Variants in SRP72 observed in about 807,000 individuals in gnomAD.
SRP72 encodes signal recognition particle 72.
A neutral mutation model predicts 96.3 loss-of-function variants in SRP72; 49 were observed. That is an observed-to-expected ratio of 0.51 (90% CI 0.40 to 0.65). The LOEUF (loss-of-function observed/expected upper bound fraction) is 0.65, where lower values mean the gene tolerates loss of function less well. Ranked by LOEUF, SRP72 falls within the 30% of genes least tolerant of loss-of-function variation. SRP72 has a pLI of 0.00. For synonymous variants in SRP72, 267 were observed against 275.2 expected (o/e 0.97, Z 0.30); for missense variants, 736 against 793.3 (o/e 0.93, Z 0.87).
At chr4:56,470,897 G>A (rs1470963134) in intron 2 of SRP72, among the ~76,000 whole-genome samples, 3 of 151,300 alleles carry the variant, frequency 2.0e-5, no homozygotes, top group Admixed American at 6.6e-5. Context: ...CACCTTCCGG[G>A]TTCACGCGAT....
chr4:56,484,818 A>AG lies in SRP72; in HGVS notation c.1041dup (p.Leu348AlafsTer4). 6.2e-7 allele frequency: 1 copy of AG among 1,614,094 alleles called. No individual in the cohort carries two copies. Among genetic ancestry groups the AG allele is most frequent in the South Asian group, 1.1e-5 (1 of 91,060 alleles). On this transcript the variant is annotated frameshift_variant, in exon 10 of 19. Coordinates refer to ENST00000642900, the MANE Select transcript of SRP72 (RefSeq NM_006947.4). LOFTEE classifies it high-confidence loss of function. Reference sequence around the variant, plus strand: ...TTACCTGTGTTAATCCAAGCTGCCCAGCTCTGCCGTGAAAAGCAGCACACA... The same window carrying AG: ...TTACCTGTGTTAATCCAAGCTGCCCAGGCTCTGCCGTGAAAAGCAGCACACA...
chr4:56,492,523 T>C (rs1720944944), intron 16 of SRP72, among the ~76,000 whole-genome samples: 1 of 152,148 alleles, frequency 6.6e-6, no homozygotes, highest in African/African-American at 2.4e-5. Flanking sequence ...CTTTTATAAG[T>C]TTTTGCTACT....
chr4:56,471,275 A>G (rs1302389684), intron 2 of SRP72, among the ~76,000 whole-genome samples: 1 of 152,218 alleles, frequency 6.6e-6, no homozygotes, highest in East Asian at 1.9e-4. Flanking sequence ...GATTACAGGT[A>G]CTTCTTTTAA....
At chr4:56,469,871 T>TA in intron 2 of SRP72, 98 bp downstream of exon 2, 2 of 1,227,828 alleles carry the variant, frequency 1.6e-6, no homozygotes, top group Non-Finnish European at 2.2e-6. Context: ...TGATTTTTTT[T>TA]AACGTTTTTT....
At chr4:56,473,457 CAAA>C (rs536634526) in intron 3 of SRP72, among the ~76,000 whole-genome samples, 1 of 129,550 alleles carries the variant, frequency 7.7e-6, no homozygotes, top group African/African-American at 2.9e-5. Flanking sequence ...GACTCCATCT[CAAA>C]AAAAAAAAAA....
chr4:56,470,790 A>T (rs1719942545), intron 2 of SRP72, among the ~76,000 whole-genome samples: 1 of 148,492 alleles, frequency 6.7e-6, no homozygotes, highest in Admixed American at 6.7e-5. Context: ...GAAAAGAGAC[A>T]TTTTCAAAAA....
chr4:56,494,673 G>A (rs1326763331), intron 16 of SRP72, among the ~76,000 whole-genome samples: 2 of 151,984 alleles, frequency 1.3e-5, no homozygotes, highest in African/African-American at 4.8e-5. Flanking sequence ...CATCGTGCTG[G>A]GATTACAGAC....
chr4:56,484,883 T>TGAG lies in SRP72; in HGVS notation c.1086+21_1086+23dup. The TGAG allele has an allele frequency of 1.2e-6, 2 of 1,605,662 alleles. No homozygotes were observed. Among genetic ancestry groups the TGAG allele is most frequent in the Non-Finnish European group, 1.7e-6 (2 of 1,178,232 alleles). ...GCTTCAGGTAAAATAATTACTTGAATGAGGTGTCAGACATTTGCAGCTTTG... is the reference window on the plus strand; with the variant it reads ...GCTTCAGGTAAAATAATTACTTGAATGAGGAGGTGTCAGACATTTGCAGCTTTG... On this transcript the variant is annotated intron_variant, in intron 10 of 18. Coordinates refer to ENST00000642900, the MANE Select transcript of SRP72 (RefSeq NM_006947.4).
At chr4:56,497,947 C>G (rs1404611490) in intron 17 of SRP72, among the ~76,000 whole-genome samples, 2 of 152,142 alleles carry the variant, frequency 1.3e-5, no homozygotes, top group Non-Finnish European at 2.9e-5. Flanking sequence ...GAATGACTTT[C>G]CTTTCTCCTA....
intron 10 of SRP72, chr4:56,486,104 AC>A: frequency 2.3e-6 from 1 of 435,108 alleles, no homozygotes; most frequent in Non-Finnish European, 4.2e-6. Flanking sequence ...TTAGTGACTT[AC>A]AGAAAACTTG....
chr4:56,499,866 TA>T (rs917446513), intron 17 of SRP72, among the ~76,000 whole-genome samples: 24 of 115,862 alleles, frequency 2.1e-4, no homozygotes, highest in Middle Eastern at 4.3e-3. Flanking sequence ...CATTACTGGA[TA>T]TATACCCAAA....
chr4:56,470,440 T>A (rs1024197777), intron 2 of SRP72, among the ~76,000 whole-genome samples: 1 of 151,696 alleles, frequency 6.6e-6, no homozygotes, highest in African/African-American at 2.4e-5. Flanking sequence ...CTTGGGAGGC[T>A]GAGGCAGGAG....
intron 13 of SRP72, 75 bp from the exon 14 acceptor site, chr4:56,490,258 T>G (rs1178430986): frequency 1.7e-6 from 2 of 1,157,788 alleles, no homozygotes; most frequent in East Asian, 2.4e-5. Flanking sequence ...TTCTTAAAGG[T>G]CTAATGAATA....
chr4:56,493,588 A>G (rs1720982085), intron 16 of SRP72, among the ~76,000 whole-genome samples: 1 of 151,602 alleles, frequency 6.6e-6, no homozygotes, highest in South Asian at 2.1e-4. Flanking sequence ...GAGCCCTGAC[A>G]TGGTGGTGGC....
At chr4:56,490,676 C>T (rs759767432) in intron 15 of SRP72, 31 bp downstream of exon 15, 109 of 1,554,452 alleles carry the variant, frequency 7.0e-5, no homozygotes, top group Non-Finnish European at 9.4e-5. Context: ...CCTTACAGCT[C>T]CTCAGTAGCA....
chr4:56,482,447 CA>C (rs112046315), intron 8 of SRP72, among the ~76,000 whole-genome samples: 58,895 of 141,842 alleles, frequency 0.42, 12,638 homozygotes, highest in East Asian at 0.65. Flanking sequence ...GACTCCATCT[CA>C]AAAAAAAAAA....
chr4:56,477,441 C>G (rs1720290593), intron 6 of SRP72, among the ~76,000 whole-genome samples: 1 of 151,192 alleles, frequency 6.6e-6, no homozygotes, highest in East Asian at 1.9e-4. Context: ...AGTAGCACCA[C>G]CATGCCCAGC....
intron 8 of SRP72, 137 bp downstream of exon 8, chr4:56,478,786 G>A: frequency 1.3e-6 from 1 of 769,418 alleles, no homozygotes; most frequent in Non-Finnish European, 2.1e-6. Flanking sequence ...AATCACAATG[G>A]ATAGTATTAC....
At chr4:56,497,636 C>T (rs1427079464) in intron 17 of SRP72, among the ~76,000 whole-genome samples, 4 of 151,594 alleles carry the variant, frequency 2.6e-5, no homozygotes, top group Non-Finnish European at 5.9e-5. Context: ...ATCAGCCCAC[C>T]CATACCTTGC....
Sources: gnomAD v4.1 joint callset for allele counts (sites outside exome capture counted in the v4.1 genomes callset) on GRCh38, gnomAD v4.1.1 for gene constraint, MANE v1.5 for transcripts, NCBI Gene and HGNC (gene_info 2026-07-23, HGNC 2026-07-21) for gene names.